TMEM132C: variants seen among roughly 807,000 people sequenced by gnomAD.
The protein encoded by TMEM132C is transmembrane protein 132C.
Under a neutral mutation model 61.4 loss-of-function variants are expected in TMEM132C, and 29 were observed. The ratio of observed to expected loss-of-function variants is 0.47; its 90% confidence interval spans 0.35 to 0.64. The LOEUF (loss-of-function observed/expected upper bound fraction) is 0.64. Ranked by LOEUF, TMEM132C falls within the 30% of genes least tolerant of loss-of-function variation. The pLI is 0.00. For synonymous variants in TMEM132C, 656 were observed against 633.1 expected (o/e 1.04, Z -0.54); for missense variants, 1,408 against 1,476.9 (o/e 0.95, Z 0.76).
chr12:128,299,541 G>A lies in TMEM132C; in HGVS notation c.85+32054G>A, dbSNP rs528971452. Among the ~76,000 whole-genome samples, 40 of 152,328 alleles carry A rather than the reference G, an allele frequency of 2.6e-4. No homozygotes were observed. The South Asian group carries it at 7.9e-3, about 30-fold the overall frequency. ...ATGAGAACCAGAGACAAGCGAGACA[G>A]TAACACACAGAGTAAAACAGAGATG... On this transcript the variant is annotated intron_variant, in intron 1 of 8. Coordinates refer to ENST00000435159, the MANE Select transcript of TMEM132C (RefSeq NM_001136103.3).
intron 1 of TMEM132C, among the ~76,000 whole-genome samples, chr12:128,327,823 G>C (rs1300155529): frequency 1.3e-5 from 2 of 152,168 alleles, no homozygotes; most frequent in African/African-American, 4.8e-5. Context: ...AAAATGTTCT[G>C]ACTGATCATT....
In TMEM132C at chr12:128,342,192, A is replaced by T. The variant is rs540586052; in HGVS notation, c.86-72540A>T. On this transcript the variant is annotated intron_variant, in intron 1 of 8. Coordinates refer to ENST00000435159, the MANE Select transcript of TMEM132C (RefSeq NM_001136103.3). The stretch of plus-strand genomic sequence containing the variant: ...CCCGGCTAATTTTTGTATTTTTAGT[A>T]GAGTTGGGGTGTCACCATATTGGCC... 2.4e-3 allele frequency among the ~76,000 whole-genome samples: 368 copies of T among 152,054 alleles called. 1 individual carries two copies. Among genetic ancestry groups the T allele is most frequent in the African/African-American group, 8.5e-3 (354 of 41,454 alleles).
At chr12:128,528,138 C>A (rs1873155997) in intron 2 of TMEM132C, among the ~76,000 whole-genome samples, 10 of 152,134 alleles carry the variant, frequency 6.6e-5, no homozygotes. Flanking sequence ...GGGCTACATC[C>A]CCACTTCCAC....
intron 1 of TMEM132C, among the ~76,000 whole-genome samples, chr12:128,293,845 A>G (rs1790067523): frequency 6.6e-6 from 1 of 152,192 alleles, no homozygotes; most frequent in Non-Finnish European, 1.5e-5. Flanking sequence ...TTTAATTGCC[A>G]TGCTTTTCAA....
At chr12:128,422,393 G>T (rs1485972575) in intron 2 of TMEM132C, among the ~76,000 whole-genome samples, 1 of 152,160 alleles carries the variant, frequency 6.6e-6, no homozygotes, top group Admixed American at 6.6e-5. Flanking sequence ...GGCCTTGTCA[G>T]TAAGCAATGA....
intron 3 of TMEM132C, among the ~76,000 whole-genome samples, chr12:128,603,865 T>C (rs1876295481): frequency 6.6e-6 from 1 of 152,148 alleles, no homozygotes; most frequent in Admixed American, 6.5e-5. Context: ...GAAACAAAGC[T>C]AGAAACAAAG....
At chr12:128,444,468 C>T (rs555934616) in intron 2 of TMEM132C, among the ~76,000 whole-genome samples, 3 of 152,104 alleles carry the variant, frequency 2.0e-5, no homozygotes, top group Admixed American at 6.6e-5. Context: ...GTAAAGATGC[C>T]CTTGATGTTT....
intron 5 of TMEM132C, among the ~76,000 whole-genome samples, chr12:128,680,394 G>A (rs2135640209): frequency 6.6e-6 from 1 of 152,340 alleles, no homozygotes; most frequent in South Asian, 2.1e-4. Flanking sequence ...AGCAGGCTCA[G>A]GCAAGTATGG....
In TMEM132C at chr12:128,267,296, C is replaced by T; in HGVS notation, c.-107C>T. On this transcript the variant is annotated 5_prime_UTR_variant, in exon 1 of 9. Transcript: ENST00000435159. Reference sequence around the variant, plus strand: ...ACAGCAGAGACGCAGCGGGCCCGGCCGACCGGGCTGCGGGAGTGGCCCCGG... The same window carrying T: ...ACAGCAGAGACGCAGCGGGCCCGGCTGACCGGGCTGCGGGAGTGGCCCCGG... 1.4e-6 allele frequency: 1 copy of T among 704,748 alleles called. No individual in the cohort carries two copies. The highest frequency in any genetic ancestry group is 6.0e-5 in the South Asian group (1 of 16,582). The allele number at this position is 704,748 out of a possible 1,614,324, so 43.7% of individuals were successfully genotyped here.
chr12:128,285,311 C>T (rs1231238891), intron 1 of TMEM132C, among the ~76,000 whole-genome samples: 1 of 152,060 alleles, frequency 6.6e-6, no homozygotes, highest in Non-Finnish European at 1.5e-5. Flanking sequence ...ACATTTTGTA[C>T]ATTTATCAGA....
Position 128,665,414 on chromosome 12 carries a change from TACAG to T in TMEM132C, c.1306-4002_1306-3999del, listed in dbSNP as rs562630698. On this transcript the variant is annotated intron_variant, in intron 4 of 8. Coordinates refer to ENST00000435159, the MANE Select transcript of TMEM132C (RefSeq NM_001136103.3). ...ACACAGGCACTCACACATACACAAA[TACAG>T]GCACACACAGGCACATGTAGCCATA... Among the ~76,000 whole-genome samples the T allele has an allele frequency of 2.3e-3, 250 of 109,044 alleles. 2 individuals carry two copies. The highest frequency in any genetic ancestry group is 3.7e-3 in the Non-Finnish European group (195 of 52,650). The allele number at this position is 109,044 out of a possible 152,430, so 71.5% of individuals were successfully genotyped here. A position where few individuals can be genotyped will look rare whatever the true frequency, so the allele number is the denominator to read the frequency against.
At chr12:128,594,144 C>T (rs1290140248) in intron 3 of TMEM132C, among the ~76,000 whole-genome samples, 1 of 151,524 alleles carries the variant, frequency 6.6e-6, no homozygotes, top group Non-Finnish European at 1.5e-5. Flanking sequence ...GTCTGAGAAT[C>T]ATTTGCTCCT....
At chr12:128,600,972 T>C (rs987963497) in intron 3 of TMEM132C, among the ~76,000 whole-genome samples, 1 of 152,236 alleles carries the variant, frequency 6.6e-6, no homozygotes, top group African/African-American at 2.4e-5. Flanking sequence ...CTGTAAATTA[T>C]CCTTTTGCAT....
intron 3 of TMEM132C, among the ~76,000 whole-genome samples, chr12:128,567,524 CAGTG>C (rs1384221269): frequency 2.0e-5 from 3 of 152,072 alleles, no homozygotes; most frequent in East Asian, 1.9e-4. Context: ...AATCGTTTCA[CAGTG>C]AGTATGTATA....
intron 4 of TMEM132C, among the ~76,000 whole-genome samples, chr12:128,622,343 CAAA>C (rs71069584): frequency 8.1e-3 from 129 of 16,020 alleles, no homozygotes; most frequent in East Asian, 0.016. Flanking sequence ...GACTTTGTCT[CAAA>C]AAAAAAAAAA....
chr12:128,299,594 A>C (rs1235279280), intron 1 of TMEM132C, among the ~76,000 whole-genome samples: 1 of 152,208 alleles, frequency 6.6e-6, no homozygotes, highest in Admixed American at 6.5e-5. Context: ...TCTTCCTCTC[A>C]AGCAATGGGA....
intron 1 of TMEM132C, among the ~76,000 whole-genome samples, chr12:128,357,462 C>G (rs140638591): frequency 6.6e-6 from 1 of 152,030 alleles, no homozygotes; most frequent in African/African-American, 2.4e-5. Context: ...TTTGGGAGGC[C>G]GAGGCAGGTG....
intron 2 of TMEM132C, among the ~76,000 whole-genome samples, chr12:128,515,307 T>A (rs1054207938): frequency 6.6e-6 from 1 of 152,142 alleles, no homozygotes; most frequent in Non-Finnish European, 1.5e-5. Flanking sequence ...CATTTACCCG[T>A]AATAATGGGA....
intron 3 of TMEM132C, among the ~76,000 whole-genome samples, chr12:128,598,094 C>T (rs1876037347): frequency 1.3e-5 from 2 of 152,156 alleles, no homozygotes; most frequent in South Asian, 4.1e-4. Flanking sequence ...AAATGTTGAC[C>T]TGGCAGTTAT....
Sources: gnomAD v4.1 joint callset for allele counts (sites outside exome capture counted in the v4.1 genomes callset) on GRCh38, gnomAD v4.1.1 for gene constraint, MANE v1.5 for transcripts, NCBI Gene and HGNC (gene_info 2026-07-23, HGNC 2026-07-21) for gene names.